AZU1: variants seen among roughly 807,000 people sequenced by gnomAD.
AZU1 encodes azurocidin 1.
Under a neutral mutation model 17.8 loss-of-function variants are expected in AZU1, and 21 were observed. That is an observed-to-expected ratio of 1.18 (90% CI 0.84 to 1.70). The LOEUF is 1.70. Among genes scored for constraint, AZU1 ranks in the 40% most tolerant of loss-of-function variants. The probability of loss-of-function intolerance (pLI) is 0.00; values close to 1 mark genes in which losing one functional copy is unlikely to be tolerated. For missense variants in AZU1, 379 were observed against 362.9 expected (o/e 1.04, Z -0.36); for synonymous variants, 178 against 155.2 (o/e 1.15, Z -1.09).
At chr19:831,054 C>A in intron 4 of AZU1, 113 bp downstream of exon 4, 1 of 890,870 alleles carries the variant, frequency 1.1e-6, no homozygotes, top group Non-Finnish European at 1.7e-6. Flanking sequence ...CAGGATTGAG[C>A]ATTTTCACGG....
In AZU1 at chr19:831,508, A is replaced by G. The variant is rs2035287348; in HGVS notation, c.595-208A>G. 1.0e-5 allele frequency: 6 copies of G among 575,058 alleles called. No individual in the cohort carries two copies. In the Admixed American group the frequency reaches 1.6e-4, roughly 15 times the overall value. The allele number at this position is 575,058 out of a possible 1,614,324, so 35.6% of individuals were successfully genotyped here. ...TTGCCAGGGGAGGGGCACCTGGCCC[A>G]GCCTGGAGGTGCCAGGAAGCTCCAG... On this transcript the variant is annotated intron_variant, in intron 4 of 4. Coordinates refer to ENST00000233997, the MANE Select transcript of AZU1 (RefSeq NM_001700.5).
rs200997500 is a variant in AZU1 at position 831,859 on chromosome 19, G to C, written c.738G>C (p.Pro246=). Residue 246 remains proline (P), a synonymous_variant, in exon 5 of 5, where the codon CCG becomes CCC. Coordinates refer to ENST00000233997, the MANE Select transcript of AZU1 (RefSeq NM_001700.5). ...GGATCGATGGTGTTCTCAACAACCC[G>C]GGACCGGGGCCAGCCTAGGGGGGCC... The part of the protein sequence containing the change: ...RDWIDGVLNN[P]GPGPA The C allele has an allele frequency of 5.6e-6, 9 of 1,612,266 alleles. No individual in the cohort carries two copies. Among genetic ancestry groups the C allele is most frequent in the Non-Finnish European group, 7.6e-6 (9 of 1,179,592 alleles).
At chr19:828,943 G>T (rs1348312377) in intron 2 of AZU1, among the ~76,000 whole-genome samples, 1 of 113,058 alleles carries the variant, frequency 8.8e-6, no homozygotes. Context: ...GAGAAGGGAA[G>T]GGGGTCAGAT....
chr19:830,580 C>A, intron 3 of AZU1, 128 bp from the exon 4 acceptor site: 1 of 837,776 alleles, frequency 1.2e-6, no homozygotes, highest in South Asian at 2.1e-5. Flanking sequence ...GCACCCGGCC[C>A]CTGCCGGGAA....
rs1367742412 is a variant in AZU1 at position 828,401 on chromosome 19, G to A, written c.215+15G>A. On this transcript the variant is annotated intron_variant, in intron 2 of 4. Coordinates refer to ENST00000233997, the MANE Select transcript of AZU1 (RefSeq NM_001700.5). ...TTCCAAAGCCAGTGAGGGGTCCTGGGGAGGGGGCCTAGGGGGCATTGGGGC... is the reference window on the plus strand; with the variant it reads ...TTCCAAAGCCAGTGAGGGGTCCTGGAGAGGGGGCCTAGGGGGCATTGGGGC... 1.9e-5 allele frequency: 29 copies of A among 1,566,096 alleles called. No homozygotes were observed. The highest frequency in any genetic ancestry group is 2.2e-5 in the Non-Finnish European group (25 of 1,154,900).
intron 3 of AZU1, among the ~76,000 whole-genome samples, 173 bp downstream of exon 3, chr19:829,879 A>G: frequency 6.6e-6 from 1 of 151,904 alleles, no homozygotes; most frequent in Non-Finnish European, 1.5e-5. Context: ...GCTTGAGGTC[A>G]GGAGTTCGAG....
intron 4 of AZU1, chr19:831,403 G>T (rs1568293595): frequency 2.5e-6 from 1 of 395,200 alleles, no homozygotes; most frequent in Non-Finnish European, 4.6e-6. Flanking sequence ...TCAAACGCCG[G>T]CTGTGAGCCA....
chr19:830,672 AG>A, intron 3 of AZU1, 35 bp from the exon 4 acceptor site: 2 of 1,512,348 alleles, frequency 1.3e-6, no homozygotes, highest in South Asian at 2.5e-5. Context: ...TCCAGTCCCC[AG>A]GGCCACCCTC....
intron 3 of AZU1, 73 bp downstream of exon 3, chr19:829,779 T>C: frequency 6.4e-7 from 1 of 1,558,234 alleles, no homozygotes; most frequent in South Asian, 1.1e-5. Context: ...AAGTCCAAAC[T>C]TGGTCTCTAC....
Position 828,222 on chromosome 19 carries a change from C to G in AZU1, c.59-8C>G, listed in dbSNP as rs746066408. On this transcript the variant is annotated splice_region_variant and splice_polypyrimidine_tract_variant and intron_variant, in intron 1 of 4. Transcript: ENST00000233997. The stretch of plus-strand genomic sequence containing the variant: ...TGGGGATCTCAGAGCTGTCTCCCCC[C>G]GACCCAGGCTCCAGCCCCCTTTTGG... 2 of 1,593,448 alleles carry G rather than the reference C, an allele frequency of 1.3e-6. No homozygotes were observed. The highest frequency in any genetic ancestry group is 4.5e-5 in the East Asian group (2 of 44,542).
At position 828,272 on chromosome 19, in the gene AZU1, G is replaced by A. The variant is rs781577673; in HGVS notation, c.101G>A (p.Arg34Lys). ...GACATCGTTGGCGGCCGGAAGGCGA[G>A]GCCCCGCCAGTTCCCGTTCCTGGCC... ...LLDIVGGRKARPRQFPFLASI... is the reference protein window; with the variant it reads ...LLDIVGGRKAKPRQFPFLASI... The change falls in exon 2 of 5, where the codon AGG becomes AAG. Residue 34 changes from arginine to lysine, a missense_variant. Transcript: ENST00000233997. 1 of 1,610,378 alleles carries A rather than the reference G, an allele frequency of 6.2e-7. No homozygotes were observed. Among genetic ancestry groups the A allele is most frequent in the Non-Finnish European group, 8.5e-7 (1 of 1,179,206 alleles).
At chr19:828,045 G>A (rs565947993) in intron 1 of AZU1, 141 bp downstream of exon 1, 2 of 1,387,150 alleles carry the variant, frequency 1.4e-6, no homozygotes, top group South Asian at 2.6e-5. Flanking sequence ...TCCCGCGAAA[G>A]GCGTGAGGGC....
chr19:829,365 G>A (rs895280463), intron 2 of AZU1, among the ~76,000 whole-genome samples, 197 bp from the exon 3 acceptor site: 29 of 151,246 alleles, frequency 1.9e-4, no homozygotes, highest in South Asian at 6.3e-4. Flanking sequence ...AGGAGGAGGC[G>A]CAGAGAAGGG....
chr19:831,300 G>A (rs1008763785), intron 4 of AZU1: 1 of 318,934 alleles, frequency 3.1e-6, no homozygotes, highest in South Asian at 5.3e-5. Context: ...GGCTGGTCTC[G>A]AACTCCTGAC....
At position 827,915 on chromosome 19, in the gene AZU1, C is replaced by T; in HGVS notation, c.58+11C>T. On this transcript the variant is annotated intron_variant, in intron 1 of 4. Transcript: ENST00000233997. ...CGTCCTCGAGGGCCGGTGAGTGCCT[C>T]TCTGTGCCGGTGGTCCCCCATCTGT... 2.0e-6 allele frequency: 3 copies of T among 1,536,908 alleles called. No individual in the cohort carries two copies. The highest frequency in any genetic ancestry group is 2.4e-5 in the East Asian group (1 of 40,994).
chr19:828,628 G>T (rs1263710125), intron 2 of AZU1, among the ~76,000 whole-genome samples: 1 of 149,938 alleles, frequency 6.7e-6, no homozygotes, highest in Non-Finnish European at 1.5e-5. Context: ...GATGGAGGAG[G>T]CCCAGAGAAA....
In AZU1 at chr19:830,715, G is replaced by A. The variant is rs1051889574; in HGVS notation, c.368G>A (p.Arg123His). 12 of 1,565,492 alleles carry A rather than the reference G, an allele frequency of 7.7e-6. No homozygotes were observed. Among genetic ancestry groups the A allele is most frequent in the African/African-American group, 5.4e-5 (4 of 74,480 alleles). ...LNDLMLLQLD[R>H]EANLTSSVTI... Reference sequence around the variant, plus strand: ...CTCCATTTCCTTCCCCAGCTGGACCGTGAGGCCAACCTCACCAGCAGCGTG... The same window carrying A: ...CTCCATTTCCTTCCCCAGCTGGACCATGAGGCCAACCTCACCAGCAGCGTG... Residue 123 changes from arginine (R) to histidine (H), a missense_variant, in exon 4 of 5, where the codon CGT becomes CAT. Physicochemically the swap from Arg to His is conservative, Grantham distance 29 (BLOSUM62 0). Transcript: ENST00000233997.
At chr19:829,183 ATGGGGG>A (rs1202763130) in intron 2 of AZU1, among the ~76,000 whole-genome samples, 3 of 75,774 alleles carry the variant, frequency 4.0e-5, no homozygotes, top group Admixed American at 1.6e-4. Context: ...ATGGGGTCAG[ATGGGGG>A]AGGTGCAGAG....
At chr19:831,691 C>T in intron 4 of AZU1, 25 bp from the exon 5 acceptor site, 3 of 1,573,580 alleles carry the variant, frequency 1.9e-6, no homozygotes, top group Non-Finnish European at 2.6e-6. Context: ...CCTGGGACGC[C>T]CTGACACAGC....
Sources: allele counts gnomAD v4.1 joint callset (sites outside exome capture counted in the v4.1 genomes callset), GRCh38; gene constraint gnomAD v4.1.1; transcripts MANE v1.5; gene names NCBI Gene and HGNC (gene_info 2026-07-23, HGNC 2026-07-21).